Variants in IKBKB observed in about 807,000 individuals in gnomAD.
The protein encoded by IKBKB is inhibitor of nuclear factor kappa B kinase subunit beta.
Under a neutral mutation model 113.6 loss-of-function variants are expected in IKBKB, and 42 were observed. The ratio of observed to expected loss-of-function variants is 0.37; its 90% CI spans 0.29 to 0.48. The LOEUF (loss-of-function observed/expected upper bound fraction) is 0.48, where lower values mean the gene tolerates loss of function less well. Ranked by LOEUF, IKBKB falls within the 20% of genes least tolerant of loss-of-function variation. The probability of loss-of-function intolerance (pLI) is 0.99; values close to 1 mark genes in which losing one functional copy is unlikely to be tolerated. For missense variants in IKBKB, 673 were observed against 939.7 expected (o/e 0.72, Z 3.71); for synonymous variants, 296 against 361.3 (o/e 0.82, Z 2.05).
intron 15 of IKBKB, 118 bp from the exon 16 acceptor site, chr8:42,320,617 C>T (rs1819578495): frequency 2.5e-6 from 2 of 800,566 alleles, no homozygotes; most frequent in Admixed American, 1.9e-5. Context: ...TCCTTTGAGC[C>T]AGTCCATTGA....
At chr8:42,299,675 A>T (rs1317778925) in intron 5 of IKBKB, among the ~76,000 whole-genome samples, 2 of 152,072 alleles carry the variant, frequency 1.3e-5, no homozygotes, top group Non-Finnish European at 2.9e-5. Flanking sequence ...CCTACCCGCC[A>T]GCCTCCGTGC....
intron 5 of IKBKB, 120 bp from the exon 6 acceptor site, chr8:42,305,067 T>G (rs1816226018): frequency 1.4e-6 from 1 of 691,906 alleles, no homozygotes; most frequent in Admixed American, 2.2e-5. Context: ...CCCTGAGGTA[T>G]TGCGCTACAA....
At chr8:42,299,136 C>T (rs1030346049) in intron 5 of IKBKB, among the ~76,000 whole-genome samples, 1 of 152,188 alleles carries the variant, frequency 6.6e-6, no homozygotes, top group Admixed American at 6.5e-5. Context: ...TCAGCCAGGT[C>T]CCTCCTGCCA....
chr8:42,297,374 T>C (rs1814099327), intron 5 of IKBKB, among the ~76,000 whole-genome samples: 1 of 152,230 alleles, frequency 6.6e-6, no homozygotes, highest in Non-Finnish European at 1.5e-5. Context: ...TTGCCACTGC[T>C]GTTCTCTGCC....
chr8:42,318,347 A>G (rs1819088838), intron 12 of IKBKB, among the ~76,000 whole-genome samples: 1 of 152,204 alleles, frequency 6.6e-6, no homozygotes, highest in East Asian at 1.9e-4. Flanking sequence ...CTTCAAATCA[A>G]CAGCTACTTA....
intron 13 of IKBKB, chr8:42,318,915 C>G: frequency 1.9e-6 from 1 of 531,934 alleles, no homozygotes; most frequent in South Asian, 2.5e-5. Context: ...GCTGGGCTGG[C>G]CAAGCTGTGG....
intron 5 of IKBKB, among the ~76,000 whole-genome samples, chr8:42,295,408 A>G (rs1212758310): frequency 2.0e-5 from 3 of 150,998 alleles, no homozygotes; most frequent in South Asian, 2.1e-4. Context: ...CATGAGCCAC[A>G]GCACCTGGCC....
chr8:42,304,405 T>G (rs1245465928), intron 5 of IKBKB, among the ~76,000 whole-genome samples: 1 of 152,222 alleles, frequency 6.6e-6, no homozygotes, highest in Non-Finnish European at 1.5e-5. Flanking sequence ...TGCCTCCTCA[T>G]GTGACATCAT....
At chr8:42,286,840 T>G (rs1328952096) in intron 2 of IKBKB, among the ~76,000 whole-genome samples, 1 of 152,220 alleles carries the variant, frequency 6.6e-6, no homozygotes, top group Non-Finnish European at 1.5e-5. Context: ...TAGAGTCTGG[T>G]ACAATGCTGA....
intron 2 of IKBKB, among the ~76,000 whole-genome samples, chr8:42,274,866 T>G (rs1163591483): frequency 7.4e-6 from 1 of 134,234 alleles, no homozygotes; most frequent in Non-Finnish European, 1.6e-5. Flanking sequence ...ACGAGATCAG[T>G]TTTTTTTTGT....
At chr8:42,287,013 G>A (rs1811545474) in intron 2 of IKBKB, among the ~76,000 whole-genome samples, 1 of 152,240 alleles carries the variant, frequency 6.6e-6, no homozygotes, top group South Asian at 2.1e-4. Flanking sequence ...TCAGGCTGGG[G>A]CTCCGGGAGC....
At chr8:42,319,750 C>G (rs1276268709) in intron 15 of IKBKB, 104 bp downstream of exon 15, 1 of 990,698 alleles carries the variant, frequency 1.0e-6, no homozygotes, top group Admixed American at 2.6e-5. Flanking sequence ...TGTCAAAAAT[C>G]AGGTGTTCCT....
intron 2 of IKBKB, among the ~76,000 whole-genome samples, chr8:42,275,455 G>A (rs927539207): frequency 3.9e-5 from 6 of 152,132 alleles, no homozygotes; most frequent in Non-Finnish European, 7.4e-5. Flanking sequence ...AAAGTGCTGG[G>A]ATTACAGGTG....
At chr8:42,288,613 C>G (rs147272047) in intron 2 of IKBKB, 21 bp from the exon 3 acceptor site, 3 of 1,592,984 alleles carry the variant, frequency 1.9e-6, no homozygotes, top group Admixed American at 3.4e-5. Context: ...TCTGCTGGTC[C>G]CCACTGTGCT....
At chr8:42,301,833 T>TGG (rs1815276116) in intron 5 of IKBKB, among the ~76,000 whole-genome samples, 1 of 152,170 alleles carries the variant, frequency 6.6e-6, no homozygotes. Flanking sequence ...TCCTCTTCAC[T>TGG]GGGGGGTTCT....
rs1449146023 is a variant in IKBKB at position 42,332,116 on chromosome 8, G to A, written c.*1137G>A. 2.0e-5 allele frequency: 3 copies of A among 152,286 alleles called. No homozygotes were observed. Among genetic ancestry groups the A allele is most frequent in the African/African-American group, 7.2e-5 (3 of 41,456 alleles). The allele number at this position is 152,286 out of a possible 1,614,324, so 9.4% of individuals were successfully genotyped here. ...TTATATAAAGGCAAGAGCACAAAATGAGTTCAGATGATCACAAACAGGTGA... is the reference window on the plus strand; with the variant it reads ...TTATATAAAGGCAAGAGCACAAAATAAGTTCAGATGATCACAAACAGGTGA... On this transcript the variant is annotated 3_prime_UTR_variant, in exon 22 of 22. Transcript: ENST00000520810.
At chr8:42,271,877 A>G in intron 1 of IKBKB, 1 of 587,296 alleles carries the variant, frequency 1.7e-6, no homozygotes, top group African/African-American at 1.9e-5. Flanking sequence ...TGCCACAGCA[A>G]CCGGATGGGG....
At chr8:42,296,707 G>A (rs866981235) in intron 5 of IKBKB, among the ~76,000 whole-genome samples, 11 of 151,628 alleles carry the variant, frequency 7.3e-5, no homozygotes, top group African/African-American at 2.7e-4. Context: ...ATTAAAATAA[G>A]TAAGGACCTA....
intron 7 of IKBKB, among the ~76,000 whole-genome samples, chr8:42,307,139 T>G (rs996104210): frequency 6.6e-6 from 1 of 151,914 alleles, no homozygotes; most frequent in Non-Finnish European, 1.5e-5. Context: ...TGCAAGAATA[T>G]ATATTGGGTG....
Sources: gnomAD v4.1 joint callset for allele counts (sites outside exome capture counted in the v4.1 genomes callset) on GRCh38, gnomAD v4.1.1 for gene constraint, MANE v1.5 for transcripts, NCBI Gene and HGNC (gene_info 2026-07-23, HGNC 2026-07-21) for gene names.